ATRX: variants seen among roughly 807,000 people sequenced by gnomAD.
ATRX encodes chromatin remodeler ATRX.
Under a neutral mutation model 172.6 loss-of-function variants are expected in ATRX, and 12 were observed. The ratio of observed to expected loss-of-function variants is 0.07; its 90% confidence interval spans 0.04 to 0.11. The LOEUF (loss-of-function observed/expected upper bound fraction) is 0.11, where lower values mean the gene tolerates loss of function less well. Among genes scored for constraint, ATRX ranks in the 10% least tolerant of loss-of-function variants. ATRX has a pLI of 1.00. For synonymous variants in ATRX, 674 were observed against 594.7 expected (o/e 1.13, Z -1.94); for missense variants, 1,368 against 1,767.4 (o/e 0.77, Z 4.05).
intron 1 of ATRX, among the ~76,000 whole-genome samples, chrX:77,729,124 CA>C (rs782218800): frequency 0.029 from 930 of 32,133 alleles, 11 homozygotes; most frequent in African/African-American, 0.07. Context: ...CTCACAAAAG[CA>C]AAAAAAAAAA....
intron 20 of ATRX, among the ~76,000 whole-genome samples, chrX:77,619,317 T>C (rs1201151498): frequency 3.6e-5 from 4 of 111,360 alleles, no homozygotes; most frequent in African/African-American, 1.3e-4. Flanking sequence ...CATGATTTTA[T>C]GGTCAGTGAG....
At position 77,529,611 on chromosome X, in the gene ATRX, G is replaced by A. The variant is rs187734623; in HGVS notation, c.6700-6210C>T. On this transcript the variant is annotated intron_variant, in intron 30 of 34. Coordinates refer to ENST00000373344, the MANE Select transcript of ATRX (RefSeq NM_000489.6). Reference sequence around the variant, plus strand: ...TCCCATTTAGACAAGCAAATGCTGAGGGCATTCATCACTAGCAGGCCTGCC... The same window carrying A: ...TCCCATTTAGACAAGCAAATGCTGAAGGCATTCATCACTAGCAGGCCTGCC... Among the ~76,000 whole-genome samples, 458 of 111,516 alleles carry A rather than the reference G, an allele frequency of 4.1e-3. 1 individual carries two copies. Among genetic ancestry groups the A allele is most frequent in the Non-Finnish European group, 7.1e-3 (375 of 53,114 alleles).
At chrX:77,542,753 C>T (rs1204024783) in intron 30 of ATRX, among the ~76,000 whole-genome samples, 1 of 111,939 alleles carries the variant, frequency 8.9e-6, no homozygotes, top group African/African-American at 3.3e-5. Flanking sequence ...GTTGGGAAAA[C>T]TGGTTGGCCA....
intron 2 of ATRX, among the ~76,000 whole-genome samples, chrX:77,716,596 A>C (rs2073441688): frequency 9.2e-6 from 1 of 109,025 alleles, no homozygotes; most frequent in African/African-American, 3.3e-5. Flanking sequence ...TACCAAAATT[A>C]GCCAAACATG....
chrX:77,605,043 G>A (rs1234256636), intron 22 of ATRX, among the ~76,000 whole-genome samples: 1 of 112,038 alleles, frequency 8.9e-6, no homozygotes, highest in Non-Finnish European at 1.9e-5. Flanking sequence ...TACTTAATGG[G>A]TAGAATGTAC....
At chrX:77,736,923 A>G (rs1293358184) in intron 1 of ATRX, among the ~76,000 whole-genome samples, 1 of 111,746 alleles carries the variant, frequency 8.9e-6, no homozygotes, top group East Asian at 2.8e-4. Flanking sequence ...TTGCAACAAC[A>G]TGGATGGAAC....
At chrX:77,598,918 T>C (rs1166582408) in intron 25 of ATRX, among the ~76,000 whole-genome samples, 1 of 112,140 alleles carries the variant, frequency 8.9e-6, no homozygotes, top group Non-Finnish European at 1.9e-5. Context: ...AAACACTAAA[T>C]GATTAAAATT....
chrX:77,603,356 T>C (rs1557088242), intron 22 of ATRX, among the ~76,000 whole-genome samples: 1 of 110,417 alleles, frequency 9.1e-6, no homozygotes, highest in Non-Finnish European at 1.9e-5. Context: ...ATGGTCATTT[T>C]AATAATATAA....
At chrX:77,751,596 T>C (rs1180912217) in intron 1 of ATRX, among the ~76,000 whole-genome samples, 1 of 112,438 alleles carries the variant, frequency 8.9e-6, no homozygotes. Flanking sequence ...TGCCCATGCC[T>C]ATGTCCTGAA....
chrX:77,570,851 A>G (rs2065386555), intron 28 of ATRX, among the ~76,000 whole-genome samples: 2 of 112,002 alleles, frequency 1.8e-5, no homozygotes, highest in Admixed American at 1.9e-4. Flanking sequence ...AACTCTCAAA[A>G]CCCTACAATA....
At chrX:77,622,262 A>C (rs1206617311) in intron 19 of ATRX, among the ~76,000 whole-genome samples, 3 of 111,712 alleles carry the variant, frequency 2.7e-5, no homozygotes, top group African/African-American at 9.8e-5. Context: ...ACAACCTAAA[A>C]ATTTGTCAGA....
Position 77,688,857 on chromosome X carries a change from G to A in ATRX, c.555C>T (p.Ser185=), listed in dbSNP as rs2148656586. Residue 185 remains serine (S), a synonymous_variant, in exon 7 of 35, where the codon TCC becomes TCT. Coordinates refer to ENST00000373344, the MANE Select transcript of ATRX (RefSeq NM_000489.6). The part of the protein sequence containing the change: ...GQQVNHFQKD[S]IYRHPSLQVL... ...CTTGCAATGAAGGGTGTCTATAAAT[G>A]GAATCTTTTTGAAAATGATTGACCT... 1.7e-6 allele frequency: 2 copies of A among 1,210,311 alleles called. No individual in the cohort carries two copies. The highest frequency in any genetic ancestry group is 3.0e-5 in the East Asian group (1 of 33,829).
At chrX:77,647,159 T>C (rs1384498817) in intron 15 of ATRX, among the ~76,000 whole-genome samples, 2 of 111,381 alleles carry the variant, frequency 1.8e-5, no homozygotes, top group South Asian at 7.4e-4. Context: ...GGAAATTAAA[T>C]AAGTAACTAA....
Position 77,600,578 on chromosome X carries a change from A to C in ATRX, c.5567-14T>G. Reference sequence around the variant, plus strand: ...TATTGCCCACACCTGATCAAAAGAAATATGGTTAAAGACACAAAAATTGTC... The same window carrying C: ...TATTGCCCACACCTGATCAAAAGAACTATGGTTAAAGACACAAAAATTGTC... On this transcript the variant is annotated splice_polypyrimidine_tract_variant and intron_variant, in intron 22 of 34. Transcript: ENST00000373344. 8.3e-7 allele frequency: 1 copy of C among 1,208,824 alleles called. No individual in the cohort carries two copies. The highest frequency in any genetic ancestry group is 1.1e-6 in the Non-Finnish European group (1 of 893,334).
Position 77,633,698 on chromosome X carries a change from A to C in ATRX, c.4824T>G (p.Leu1608=), listed in dbSNP as rs782145428. The change falls in exon 18 of 35, where the codon CTT becomes CTG. Residue 1608 remains leucine (L), a synonymous_variant. Coordinates refer to ENST00000373344, the MANE Select transcript of ATRX (RefSeq NM_000489.6). ...LGKTLQVVSF[L]HTVLLCDKLD... Reference sequence around the variant, plus strand: ...GTTTGTCACACAAAAGAACTGTATGAAGAAAACTTACCACCTATAAGAAAA... The same window carrying C: ...GTTTGTCACACAAAAGAACTGTATGCAGAAAACTTACCACCTATAAGAAAA... 61 of 1,209,961 alleles carry C rather than the reference A, an allele frequency of 5.0e-5. No homozygotes were observed. The highest frequency in any genetic ancestry group is 6.6e-5 in the Non-Finnish European group (59 of 894,128).
rs782262179 is a variant in ATRX, at chrX:77,725,633, A to C, written c.21-8390T>G. 5.4e-5 allele frequency among the ~76,000 whole-genome samples: 6 copies of C among 112,108 alleles called. No homozygotes were observed. The South Asian group carries it at 2.2e-3, about 42-fold the overall frequency. On this transcript the variant is annotated intron_variant, in intron 1 of 34. Coordinates refer to ENST00000373344, the MANE Select transcript of ATRX (RefSeq NM_000489.6). ...CAAAATTGACAAATGGGATCTAATTAAACTCAAGAGCTTCTGCACAGCAAA... is the reference window on the plus strand; with the variant it reads ...CAAAATTGACAAATGGGATCTAATTCAACTCAAGAGCTTCTGCACAGCAAA...
At position 77,645,419 on chromosome X, in the gene ATRX, G is replaced by A. The variant is rs150461587; in HGVS notation, c.4557+6695C>T. Among the ~76,000 whole-genome samples the A allele has an allele frequency of 3.1e-3, 343 of 111,819 alleles. 7 individuals are homozygous for A. The highest frequency in any genetic ancestry group is 0.03 in the Admixed American group (310 of 10,496). On this transcript the variant is annotated intron_variant, in intron 15 of 34. Coordinates refer to ENST00000373344, the MANE Select transcript of ATRX (RefSeq NM_000489.6). ...CTCCCAAAGTGCTGGGATTACAGGG[G>A]TGAGCTACTGTGCCAGGCATCAGCT...
intron 25 of ATRX, among the ~76,000 whole-genome samples, chrX:77,598,859 C>T (rs1455911791): frequency 1.8e-5 from 2 of 112,051 alleles, no homozygotes; most frequent in Non-Finnish European, 3.8e-5. Flanking sequence ...ACATAATACA[C>T]AGGAAACCTA....
chrX:77,735,135 G>A (rs1037376434), intron 1 of ATRX, among the ~76,000 whole-genome samples: 10 of 111,083 alleles, frequency 9.0e-5, no homozygotes, highest in African/African-American at 2.6e-4. Flanking sequence ...AAATGGTGCC[G>A]GGAAAACTGG....
Sources: gnomAD v4.1 joint callset for allele counts (sites outside exome capture counted in the v4.1 genomes callset) on GRCh38, gnomAD v4.1.1 for gene constraint, MANE v1.5 for transcripts, NCBI Gene and HGNC (gene_info 2026-07-23, HGNC 2026-07-21) for gene names.